The following HECTD4 variants were observed in gnomAD, a reference collection of about 807,000 sequenced individuals.
HECTD4 encodes probable E3 ubiquitin-protein ligase HECTD4.
Under a neutral mutation model 471.5 loss-of-function variants are expected in HECTD4, and 114 were observed. The observed-to-expected ratio is 0.24, with a 90% CI of 0.21 to 0.28. The LOEUF is 0.28. HECTD4 is among the 10% of genes least tolerant of loss of function. The pLI is 1.00. For missense variants in HECTD4, 3,866 were observed against 5,651.5 expected (o/e 0.68, Z 10.13); for synonymous variants, 2,012 against 2,256.0 (o/e 0.89, Z 3.07).
chr12:112,164,430 C>A (rs1354877256), intron 72 of HECTD4, among the ~76,000 whole-genome samples, 155 bp from the exon 73 acceptor site: 1 of 152,164 alleles, frequency 6.6e-6, no homozygotes, highest in Non-Finnish European at 1.5e-5. Context: ...TCAGAACCTG[C>A]CATCAGTTCA....
At chr12:112,219,555 T>C in intron 44 of HECTD4, 66 bp from the exon 45 acceptor site, 1 of 1,107,758 alleles carries the variant, frequency 9.0e-7, no homozygotes, top group Non-Finnish European at 1.4e-6. Flanking sequence ...TGCTGACTCT[T>C]TTGGAGCAGC....
intron 1 of HECTD4, among the ~76,000 whole-genome samples, chr12:112,358,335 G>A (rs925125014): frequency 6.6e-6 from 1 of 152,004 alleles, no homozygotes. Context: ...AGTATTAAGA[G>A]CTGGGTACAG....
intron 25 of HECTD4, 32 bp from the exon 26 acceptor site, chr12:112,248,544 T>A: frequency 6.9e-7 from 1 of 1,441,590 alleles, no homozygotes; most frequent in Non-Finnish European, 9.5e-7. Flanking sequence ...GTCAGATATA[T>A]GCCATGCTCT....
intron 8 of HECTD4, among the ~76,000 whole-genome samples, chr12:112,280,425 T>C (rs1354124537): frequency 6.6e-6 from 1 of 152,174 alleles, no homozygotes; most frequent in African/African-American, 2.4e-5. Context: ...GTGCTTTACT[T>C]AGAAAGCTGT....
intron 1 of HECTD4, among the ~76,000 whole-genome samples, chr12:112,331,323 G>A (rs560656875): frequency 5.9e-5 from 9 of 152,152 alleles, no homozygotes; most frequent in Admixed American, 3.9e-4. Flanking sequence ...CTCCTGCCTC[G>A]GCCTCCCAAA....
intron 1 of HECTD4, among the ~76,000 whole-genome samples, chr12:112,348,819 G>A (rs942888578): frequency 5.9e-5 from 9 of 152,182 alleles, no homozygotes; most frequent in Non-Finnish European, 1.2e-4. Context: ...GCATGCATAG[G>A]TTTTATATAT....
intron 32 of HECTD4, among the ~76,000 whole-genome samples, chr12:112,242,612 T>TAA (rs34693763): frequency 2.3e-5 from 3 of 131,192 alleles, no homozygotes; most frequent in Non-Finnish European, 1.7e-5. Context: ...AGAATCTGCT[T>TAA]AAAAAAAAAA....
At chr12:112,375,300 G>A (rs1231978729) in intron 1 of HECTD4, among the ~76,000 whole-genome samples, 1 of 152,104 alleles carries the variant, frequency 6.6e-6, no homozygotes, top group South Asian at 2.1e-4. Flanking sequence ...ACCTGCTGAC[G>A]GACATTTGGA....
chr12:112,237,238 T>C lies in HECTD4; in HGVS notation c.5291-140A>G, dbSNP rs377464060. ...CTAATAGTGTCTCCTCATTAGATAA[T>C]GTCTACACATAAAAAGGATAATAGT... is the stretch of plus-strand genomic sequence containing the variant. On this transcript the variant is annotated intron_variant, in intron 34 of 75. Coordinates refer to ENST00000682272, the MANE Select transcript of HECTD4 (RefSeq NM_001388303.1). 1.4e-5 allele frequency: 8 copies of C among 587,812 alleles called. 1 individual carries two copies. Among genetic ancestry groups the C allele is most frequent in the African/African-American group, 5.6e-5 (3 of 53,718 alleles). 36.4% of individuals were successfully genotyped at this position (587,812 alleles called of 1,614,324 possible). A position where few individuals can be genotyped will look rare whatever the true frequency, so the allele number is the denominator to read the frequency against.
chr12:112,332,257 G>C (rs889925519), intron 1 of HECTD4, among the ~76,000 whole-genome samples: 10 of 152,120 alleles, frequency 6.6e-5, no homozygotes, highest in African/African-American at 2.4e-4. Context: ...CTGGGGCAGG[G>C]CGCGGTGGCT....
Position 112,171,183 on chromosome 12 carries a change from G to A in HECTD4, c.11866C>T (p.Leu3956=). The A allele has an allele frequency of 6.2e-7, 1 of 1,613,452 alleles. No individual in the cohort carries two copies. The highest frequency in any genetic ancestry group is 8.5e-7 in the Non-Finnish European group (1 of 1,179,712). Residue 3956 remains leucine (L), a synonymous_variant, in exon 68 of 76, where the codon CTG becomes TTG. Transcript: ENST00000682272. ...NTTLETFFLP[L]VELRQTPMYT... ...ATGGGTGTCTGGCGCAGCTCCACCA[G>A]GGGCAGGAAGAAGGTCTCCAGTGTG...
Position 112,228,887 on chromosome 12 carries a change from A to C in HECTD4, c.6520-76T>G, listed in dbSNP as rs1334842471. The C allele has an allele frequency of 3.6e-6, 5 of 1,391,954 alleles. No homozygotes were observed. The African/African-American group carries it at 5.8e-5, about 16-fold the overall frequency. The allele number at this position is 1,391,954 out of a possible 1,614,324, so 86.2% of individuals were successfully genotyped here. On this transcript the variant is annotated intron_variant, in intron 41 of 75. Coordinates refer to ENST00000682272, the MANE Select transcript of HECTD4 (RefSeq NM_001388303.1). The surrounding 1 kb of genome is among the most constrained non-coding windows in gnomAD (Gnocchi z 4.9). ...GCTGTCTTACGAGACAAGAGGAAAAAGTAAATTTATAGTTGTCATTGTTGG... is the reference window on the plus strand; with the variant it reads ...GCTGTCTTACGAGACAAGAGGAAAACGTAAATTTATAGTTGTCATTGTTGG...
At chr12:112,368,690 A>G (rs1264544260) in intron 1 of HECTD4, among the ~76,000 whole-genome samples, 9 of 152,226 alleles carry the variant, frequency 5.9e-5, no homozygotes, top group African/African-American at 1.9e-4. Flanking sequence ...TGAAGAAGCA[A>G]ATAATAAAAA....
Position 112,167,832 on chromosome 12 carries a change from T to G in HECTD4, c.12294A>C (p.Ser4098=). Residue 4098 remains serine (S), a synonymous_variant, in exon 71 of 76, where the codon TCA becomes TCC. Transcript: ENST00000682272. ...SLSLLLLCPS[S]AVNKNKGKYI... ...TGCCTACCTTGTTCTTATTGACAGC[T>G]GAGCTGGGGCACAGCAGCAGCAGCG... 6.2e-7 allele frequency: 1 copy of G among 1,613,648 alleles called. No individual in the cohort carries two copies. Among genetic ancestry groups the G allele is most frequent in the African/African-American group, 1.3e-5 (1 of 75,068 alleles).
intron 10 of HECTD4, 38 bp downstream of exon 10, chr12:112,274,809 T>C (rs2034492008): frequency 3.0e-6 from 4 of 1,328,908 alleles, no homozygotes; most frequent in Non-Finnish European, 4.2e-6. Flanking sequence ...TGCTAAAACT[T>C]GAAATTTTCC....
intron 2 of HECTD4, among the ~76,000 whole-genome samples, chr12:112,316,075 A>G (rs2035471840): frequency 6.6e-6 from 1 of 152,086 alleles, no homozygotes; most frequent in Admixed American, 6.6e-5. Flanking sequence ...AAGTCCTTCC[A>G]TGGCTCACAA....
At chr12:112,347,238 G>A (rs1301461412) in intron 1 of HECTD4, among the ~76,000 whole-genome samples, 3 of 152,160 alleles carry the variant, frequency 2.0e-5, no homozygotes, top group Admixed American at 6.5e-5. Flanking sequence ...AGCCAGGCAT[G>A]GTGGCTCATG....
intron 65 of HECTD4, among the ~76,000 whole-genome samples, chr12:112,176,395 C>T (rs569165166): frequency 3.9e-5 from 6 of 152,314 alleles, no homozygotes; most frequent in African/African-American, 9.6e-5. Context: ...CATCGAGGGG[C>T]GATCCCTGGC....
chr12:112,336,215 G>T (rs767687170), intron 1 of HECTD4, among the ~76,000 whole-genome samples: 1 of 152,098 alleles, frequency 6.6e-6, no homozygotes, highest in Non-Finnish European at 1.5e-5. Flanking sequence ...TGTGTGTGGC[G>T]GGAAAGAATT....
Sources: gnomAD v4.1 joint callset for allele counts (sites outside exome capture counted in the v4.1 genomes callset) on GRCh38, gnomAD v4.1.1 for gene constraint, Gnocchi (gnomAD v3.1) non-coding constraint, MANE v1.5 for transcripts, NCBI Gene and HGNC (gene_info 2026-07-23, HGNC 2026-07-21) for gene names.